Variants in ST3GAL4 observed in about 807,000 individuals in gnomAD.
ST3GAL4 encodes the protein CMP-N-acetylneuraminate-beta-galactosamide-alpha-2,3-sialyltransferase 4.
A neutral mutation model predicts 42.6 loss-of-function variants in ST3GAL4; 24 were observed. The ratio of observed to expected loss-of-function variants is 0.56; its 90% confidence interval spans 0.41 to 0.79. The LOEUF is 0.79. Ranked by LOEUF, ST3GAL4 falls within the 30% of genes least tolerant of loss-of-function variation. The probability of loss-of-function intolerance (pLI) is 0.00; values close to 1 mark genes in which losing one functional copy is unlikely to be tolerated. For missense variants in ST3GAL4, 311 were observed against 430.8 expected, an observed-to-expected ratio of 0.72 and a Z score of 2.46; for synonymous variants, 135 against 163.2, an observed-to-expected ratio of 0.83 and a Z score of 1.32.
intron 1 of ST3GAL4, among the ~76,000 whole-genome samples, chr11:126,367,543 A>G (rs1952479024): frequency 6.6e-6 from 1 of 152,142 alleles, no homozygotes; most frequent in East Asian, 1.9e-4. Context: ...CAGGTCCTGA[A>G]TGCTTGTTCT....
intron 1 of ST3GAL4, among the ~76,000 whole-genome samples, chr11:126,372,861 A>G (rs983386443): frequency 3.3e-5 from 5 of 152,154 alleles, no homozygotes; most frequent in Non-Finnish European, 4.4e-5. Flanking sequence ...CTTCCCGATT[A>G]GCTATTGTGA....
chr11:126,362,193 C>CTTTTTTTT (rs763280766), intron 1 of ST3GAL4, among the ~76,000 whole-genome samples: 10 of 119,076 alleles, frequency 8.4e-5, no homozygotes, highest in Admixed American at 8.9e-5. Context: ...ACATTTCTTC[C>CTTTTTTTT]TTTTTTTTTT....
chr11:126,403,319 C>T, intron 1 of ST3GAL4: 6 of 920,058 alleles, frequency 6.5e-6, no homozygotes, highest in Non-Finnish European at 7.8e-6. Flanking sequence ...TCTTGTTGTT[C>T]AAGACTGGTT....
chr11:126,379,344 A>T lies in ST3GAL4; in HGVS notation c.-61+23502A>T, dbSNP rs545119940. 1.8e-4 allele frequency among the ~76,000 whole-genome samples: 28 copies of T among 152,196 alleles called. No individual in the cohort carries two copies. Among genetic ancestry groups the T allele is most frequent in the Non-Finnish European group, 2.4e-4 (16 of 68,034 alleles). ...AACCTTTTGTGCTAAAACAAAACAAAAACAAGTCTGAGTCAATAGAAGGGG... is the reference window on the plus strand; with the variant it reads ...AACCTTTTGTGCTAAAACAAAACAATAACAAGTCTGAGTCAATAGAAGGGG... On this transcript the variant is annotated intron_variant, in intron 1 of 10. Coordinates refer to ENST00000444328, the MANE Select transcript of ST3GAL4 (RefSeq NM_001254757.2). The surrounding 1 kb of genome is among the most constrained non-coding windows in gnomAD (Gnocchi z 4.2).
In ST3GAL4 at chr11:126,366,794, C is replaced by G. The variant is rs1371244126; in HGVS notation, c.-61+10952C>G. On this transcript the variant is annotated intron_variant, in intron 1 of 10. Coordinates refer to ENST00000444328, the MANE Select transcript of ST3GAL4 (RefSeq NM_001254757.2). The surrounding 1 kb of genome is among the most constrained non-coding windows in gnomAD (Gnocchi z 4.2). ...GGGGAGGCGGGAGTGCAAGGTCTGCCGAGTGAGGGTTCCTTCCGGGAGGAG... is the reference window on the plus strand; with the variant it reads ...GGGGAGGCGGGAGTGCAAGGTCTGCGGAGTGAGGGTTCCTTCCGGGAGGAG... 6.6e-6 allele frequency among the ~76,000 whole-genome samples: 1 copy of G among 152,126 alleles called. No homozygotes were observed. Among genetic ancestry groups the G allele is most frequent in the South Asian group, 2.1e-4 (1 of 4,820 alleles).
rs1188148093 is a variant in ST3GAL4, at chr11:126,363,492, C to T, written c.-61+7650C>T. 2.6e-5 allele frequency among the ~76,000 whole-genome samples: 4 copies of T among 152,190 alleles called. No individual in the cohort carries two copies. Among genetic ancestry groups the T allele is most frequent in the Non-Finnish European group, 5.9e-5 (4 of 68,040 alleles). The stretch of plus-strand genomic sequence containing the variant: ...AGCCCATGGGAGCAGGAGTCAGCTC[C>T]TCCTGTTGGCAGCTCCAGCATTTTC... On this transcript the variant is annotated intron_variant, in intron 1 of 10. Transcript: ENST00000444328. This position sits in a 1 kb window ranked among gnomAD's most constrained non-coding sequence, Gnocchi z 4.6.
intron 1 of ST3GAL4, among the ~76,000 whole-genome samples, chr11:126,360,125 C>T (rs911204440): frequency 1.3e-5 from 2 of 152,242 alleles, no homozygotes; most frequent in Non-Finnish European, 2.9e-5. Flanking sequence ...AAGCTCCGCA[C>T]CGGCAGCCCT....
At chr11:126,399,131 A>C (rs1953898062) in intron 1 of ST3GAL4, among the ~76,000 whole-genome samples, 2 of 152,098 alleles carry the variant, frequency 1.3e-5, no homozygotes, top group African/African-American at 2.4e-5. Context: ...CTCCTTATCA[A>C]GTGGTCCATA....
intron 1 of ST3GAL4, among the ~76,000 whole-genome samples, chr11:126,368,302 A>G (rs946576139): frequency 2.0e-5 from 3 of 152,204 alleles, no homozygotes; most frequent in Non-Finnish European, 4.4e-5. Context: ...GTCAGTGACC[A>G]GCCTGGCCAA....
In ST3GAL4 at chr11:126,407,236, T is replaced by C. The variant is rs747294825; in HGVS notation, c.183-16T>C. 1 of 1,613,908 alleles carries C rather than the reference T, an allele frequency of 6.2e-7. No individual in the cohort carries two copies. Among genetic ancestry groups the C allele is most frequent in the South Asian group, 1.1e-5 (1 of 91,088 alleles). On this transcript the variant is annotated splice_polypyrimidine_tract_variant and intron_variant, in intron 4 of 10. Coordinates refer to ENST00000444328, the MANE Select transcript of ST3GAL4 (RefSeq NM_001254757.2). ...AATTCTGTTCTCATCCCCACCCGGC[T>C]TTCACCTCTGTGCAGCTACTCCCGG... is the stretch of plus-strand genomic sequence containing the variant.
At chr11:126,388,365 C>G (rs918500120) in intron 1 of ST3GAL4, among the ~76,000 whole-genome samples, 3 of 152,122 alleles carry the variant, frequency 2.0e-5, no homozygotes, top group South Asian at 2.1e-4. Context: ...GAGTCTCGCT[C>G]TCTCTCCCAG....
At position 126,373,566 on chromosome 11, in the gene ST3GAL4, G is replaced by A. The variant is rs538138764; in HGVS notation, c.-61+17724G>A. Among the ~76,000 whole-genome samples the A allele has an allele frequency of 5.9e-5, 9 of 152,320 alleles. No homozygotes were observed. Among genetic ancestry groups the A allele is most frequent in the East Asian group, 1.9e-4 (1 of 5,188 alleles). On this transcript the variant is annotated intron_variant, in intron 1 of 10. Transcript: ENST00000444328. This position sits in a 1 kb window ranked among gnomAD's most constrained non-coding sequence, Gnocchi z 5.5. ...TGGCAGCTGATAAACGGGTGATACAGTGTTTCTATACAGGAGTCTGCAGTG... is the reference window on the plus strand; with the variant it reads ...TGGCAGCTGATAAACGGGTGATACAATGTTTCTATACAGGAGTCTGCAGTG...
intron 1 of ST3GAL4, among the ~76,000 whole-genome samples, chr11:126,374,646 TG>T (rs1347970536): frequency 1.3e-5 from 2 of 151,786 alleles, no homozygotes; most frequent in Non-Finnish European, 2.9e-5. Context: ...GGAGAGGAGT[TG>T]GGCAAGGAGG....
intron 1 of ST3GAL4, among the ~76,000 whole-genome samples, chr11:126,374,535 C>G (rs1293674018): frequency 6.6e-6 from 1 of 150,586 alleles, no homozygotes; most frequent in African/African-American, 2.4e-5. Context: ...TACGGAAAAG[C>G]ATTCTTGACT....
At position 126,409,441 on chromosome 11, in the gene ST3GAL4, A is replaced by G. The variant is rs1380444508; in HGVS notation, c.771+30A>G. On this transcript the variant is annotated intron_variant, in intron 9 of 10. Coordinates refer to ENST00000444328, the MANE Select transcript of ST3GAL4 (RefSeq NM_001254757.2). The surrounding 1 kb of genome is among the most constrained non-coding windows in gnomAD (Gnocchi z 4.9). ...TGATGGGAAGTCAGGCCTGAGGGCT[A>G]GGATCCTGGGCGGGAAGTAGGAGGG... 1 of 1,614,058 alleles carries G rather than the reference A, an allele frequency of 6.2e-7. No individual in the cohort carries two copies. Among genetic ancestry groups the G allele is most frequent in the South Asian group, 1.1e-5 (1 of 91,084 alleles).
At chr11:126,381,303 C>T (rs1426620546) in intron 1 of ST3GAL4, among the ~76,000 whole-genome samples, 1 of 152,198 alleles carries the variant, frequency 6.6e-6, no homozygotes, top group African/African-American at 2.4e-5. Flanking sequence ...GGTTCCCTGC[C>T]TGGAGTCCCA....
rs1299248436 is a variant in ST3GAL4, at chr11:126,384,763, G to A, written c.-60-21333G>A. 1.3e-5 allele frequency: 13 copies of A among 985,196 alleles called. No homozygotes were observed. The highest frequency in any genetic ancestry group is 3.5e-5 in the African/African-American group (2 of 57,226). 61.0% of individuals were successfully genotyped at this position (985,196 alleles called of 1,614,324 possible). On this transcript the variant is annotated intron_variant, in intron 1 of 10. Coordinates refer to ENST00000444328, the MANE Select transcript of ST3GAL4 (RefSeq NM_001254757.2). The surrounding 1 kb of genome is among the most constrained non-coding windows in gnomAD (Gnocchi z 5.5). ...GCTGGGCCATGGGTGAATCTGAGTC[G>A]AGGGCAGGACAGAGTGGGAGTGGCA...
rs557005272 is a variant in ST3GAL4 at position 126,366,620 on chromosome 11, G to A, written c.-61+10778G>A. 2.0e-5 allele frequency among the ~76,000 whole-genome samples: 3 copies of A among 152,204 alleles called. No individual in the cohort carries two copies. The highest frequency in any genetic ancestry group is 3.9e-4 in the East Asian group (2 of 5,180). ...CCTCTGGCGAGTCTGCCTCTCACTC[G>A]CTCAGCCCCTTTAACCCTGCTGGCT... On this transcript the variant is annotated intron_variant, in intron 1 of 10. Coordinates refer to ENST00000444328, the MANE Select transcript of ST3GAL4 (RefSeq NM_001254757.2). The surrounding 1 kb of genome is among the most constrained non-coding windows in gnomAD (Gnocchi z 4.2).
rs1003831699 is a variant in ST3GAL4 at position 126,406,314 on chromosome 11, C to T, written c.16+143C>T. ...TCTTCATCTTGAAGGACAGTGGGTA[C>T]AATCAGGGTCAAGCCCTCAGCCAGG... On this transcript the variant is annotated intron_variant, in intron 2 of 10. Transcript: ENST00000444328. This position sits in a 1 kb window ranked among gnomAD's most constrained non-coding sequence, Gnocchi z 5.4. 48 of 1,538,758 alleles carry T rather than the reference C, an allele frequency of 3.1e-5. No individual in the cohort carries two copies. Among genetic ancestry groups the T allele is most frequent in the Middle Eastern group, 2.3e-4 (1 of 4,378 alleles).
Sources: allele counts gnomAD v4.1 joint callset (sites outside exome capture counted in the v4.1 genomes callset), GRCh38; gene constraint gnomAD v4.1.1; non-coding constraint Gnocchi (gnomAD v3.1); transcripts MANE v1.5; gene names NCBI Gene and HGNC (gene_info 2026-07-23, HGNC 2026-07-21).